ATP13A5: variants seen among roughly 807,000 people sequenced by gnomAD.
The protein encoded by ATP13A5 is ATPase 13A5.
ATP13A5 carries 149 observed loss-of-function variants against 150.2 expected under a neutral mutation model. That is an observed-to-expected ratio of 0.99 (90% confidence interval 0.87 to 1.14). The LOEUF (loss-of-function observed/expected upper bound fraction) is 1.14. ATP13A5 is among the 50% of genes most tolerant of loss of function. The pLI is 0.00. For synonymous variants in ATP13A5, 497 were observed against 522.2 expected (o/e 0.95, Z 0.66); for missense variants, 1,383 against 1,449.3 (o/e 0.95, Z 0.74).
At chr3:193,310,782 CA>C in intron 20 of ATP13A5, 65 bp from the exon 21 acceptor site, 1 of 1,312,840 alleles carries the variant, frequency 7.6e-7, no homozygotes, top group South Asian at 1.3e-5. Flanking sequence ...AATAAAAGAA[CA>C]GCCCTGAAAA....
intron 6 of ATP13A5, among the ~76,000 whole-genome samples, chr3:193,352,555 TC>T (rs1200073745): frequency 6.6e-5 from 10 of 152,102 alleles, no homozygotes; most frequent in Admixed American, 6.6e-4. Flanking sequence ...AGCACTCCTT[TC>T]AAATTAGAAC....
At chr3:193,317,002 G>A (rs755242083) in intron 17 of ATP13A5, among the ~76,000 whole-genome samples, 24 of 152,148 alleles carry the variant, frequency 1.6e-4, no homozygotes, top group Non-Finnish European at 3.1e-4. Context: ...ATAAAGCACA[G>A]GCAACAAAAG....
rs1016444958 is a variant in ATP13A5 at position 193,321,918 on chromosome 3, G to A, written c.1759-81C>T. On this transcript the variant is annotated intron_variant, in intron 15 of 29. Transcript: ENST00000342358. ...TGCATACCAACAAAAGGGCTTTACT[G>A]TGCAATGAGCCCAGAGACATCTTGA... 133 of 1,464,042 alleles carry A rather than the reference G, an allele frequency of 9.1e-5. No individual in the cohort carries two copies. In the Middle Eastern group the frequency reaches 1.5e-3, roughly 16 times the overall value. The allele number at this position is 1,464,042 out of a possible 1,614,324, so 90.7% of individuals were successfully genotyped here. A position where few individuals can be genotyped will look rare whatever the true frequency, so the allele number is the denominator to read the frequency against.
chr3:193,325,137 C>A, intron 13 of ATP13A5, 123 bp from the exon 14 acceptor site: 1 of 925,214 alleles, frequency 1.1e-6, no homozygotes, highest in Non-Finnish European at 1.6e-6. Context: ...CCATGGCTCC[C>A]TATGCTCCAA....
chr3:193,370,710 T>C (rs1179738429), intron 1 of ATP13A5, among the ~76,000 whole-genome samples: 1 of 152,186 alleles, frequency 6.6e-6, no homozygotes, highest in African/African-American at 2.4e-5. Context: ...TTGAGTGTAT[T>C]TGATGATAAA....
chr3:193,362,813 C>CCTTCTTTCTTTG (rs59105884), intron 3 of ATP13A5, among the ~76,000 whole-genome samples, 176 bp from the exon 4 acceptor site: 1 of 111,962 alleles, frequency 8.9e-6, no homozygotes, highest in Admixed American at 9.2e-5. Context: ...TTCTTTCTTT[C>CCTTCTTTCTTTG]AGACAGGGTC....
chr3:193,329,745 G>A (rs1711557596), intron 12 of ATP13A5, among the ~76,000 whole-genome samples: 1 of 152,118 alleles, frequency 6.6e-6, no homozygotes, highest in Non-Finnish European at 1.5e-5. Context: ...GACCAAGCCT[G>A]GTCGAGTCTA....
At position 193,321,812 on chromosome 3, in the gene ATP13A5, A is replaced by G. The variant is rs1368846512; in HGVS notation, c.1784T>C (p.Leu595Ser). 3.7e-6 allele frequency: 6 copies of G among 1,614,034 alleles called. No individual in the cohort carries two copies. The highest frequency in any genetic ancestry group is 5.1e-6 in the Non-Finnish European group (6 of 1,180,014). Residue 595 changes from leucine to serine, a missense_variant, in exon 16 of 30, where the codon TTG becomes TCG. Coordinates refer to ENST00000342358, the MANE Select transcript of ATP13A5 (RefSeq NM_198505.4). ...SKSPVEAIIT[L>S]CQFPFSSSLQ... Reference sequence around the variant, plus strand: ...GCTCGAGGAAAATGGAAACTGGCACAAGGTGATGATGGCTTCCACTGGACT... The same window carrying G: ...GCTCGAGGAAAATGGAAACTGGCACGAGGTGATGATGGCTTCCACTGGACT...
At chr3:193,369,619 C>CA (rs35713870) in intron 1 of ATP13A5, among the ~76,000 whole-genome samples, 143,021 of 152,096 alleles carry the variant, frequency 0.94, 67,300 homozygotes, top group East Asian at 0.97. Context: ...GAGCCAGGAA[C>CA]ATGTTTGTAC....
At chr3:193,285,232 A>G (rs1448776035) in intron 26 of ATP13A5, 116 bp from the exon 27 acceptor site, 1 of 776,878 alleles carries the variant, frequency 1.3e-6, no homozygotes. Flanking sequence ...TATGTCAGCC[A>G]GTAACTACCA....
intron 12 of ATP13A5, 69 bp downstream of exon 12, chr3:193,331,054 C>A (rs1201562475): frequency 2.3e-5 from 35 of 1,491,602 alleles, no homozygotes; most frequent in Non-Finnish European, 3.0e-5. Flanking sequence ...TAGACATTTT[C>A]TGAGGTTCTT....
At chr3:193,357,538 G>A (rs1284411352) in intron 5 of ATP13A5, among the ~76,000 whole-genome samples, 2 of 152,174 alleles carry the variant, frequency 1.3e-5, no homozygotes, top group Admixed American at 6.6e-5. Flanking sequence ...ACTAATGGCT[G>A]AGCAATGGGA....
At position 193,344,054 on chromosome 3, in the gene ATP13A5, A is replaced by T; in HGVS notation, c.816T>A (p.Gly272=). 1 of 1,611,346 alleles carries T rather than the reference A, an allele frequency of 6.2e-7. No individual in the cohort carries two copies. The highest frequency in any genetic ancestry group is 8.5e-7 in the Non-Finnish European group (1 of 1,178,888). The change falls in exon 9 of 30, where the codon GGT becomes GGA. Residue 272 remains glycine, a splice_region_variant and synonymous_variant. Transcript: ENST00000342358. ...AGAGACGGGATTCCAGCTCCTCCAA[A>T]CCTACACCAAAGCAAAGTTTCCATG... is the stretch of plus-strand genomic sequence containing the variant. ...VQVTIIVKDK[G]LEELESRLLV... is the part of the protein sequence containing the mutation.
chr3:193,362,186 C>T (rs1271003534), intron 5 of ATP13A5, among the ~76,000 whole-genome samples, 195 bp downstream of exon 5: 1 of 152,164 alleles, frequency 6.6e-6, no homozygotes, highest in Non-Finnish European at 1.5e-5. Flanking sequence ...TATATGATTG[C>T]ATTGTTCTTT....
chr3:193,339,378 A>G (rs1449131811), intron 9 of ATP13A5, among the ~76,000 whole-genome samples: 1 of 152,210 alleles, frequency 6.6e-6, no homozygotes, highest in Non-Finnish European at 1.5e-5. Context: ...ATTTAGTGCT[A>G]TAAATTTCCC....
chr3:193,364,958 A>G (rs936266481), intron 1 of ATP13A5, among the ~76,000 whole-genome samples: 2 of 152,194 alleles, frequency 1.3e-5, no homozygotes, highest in African/African-American at 2.4e-5. Flanking sequence ...CTGAATAAAG[A>G]TTTGAGATTT....
At chr3:193,323,049 T>C (rs1719340675) in intron 14 of ATP13A5, among the ~76,000 whole-genome samples, 1 of 152,216 alleles carries the variant, frequency 6.6e-6, no homozygotes, top group Non-Finnish European at 1.5e-5. Flanking sequence ...TTAGAAAGCC[T>C]GTTTGAAAAT....
intron 26 of ATP13A5, among the ~76,000 whole-genome samples, chr3:193,287,149 G>C (rs1717755359): frequency 6.6e-6 from 1 of 152,120 alleles, no homozygotes; most frequent in Admixed American, 6.6e-5. Context: ...CTAAGACTGA[G>C]AGAAAGAAGG....
intron 25 of ATP13A5, among the ~76,000 whole-genome samples, chr3:193,293,923 G>A (rs1718064976): frequency 6.6e-6 from 1 of 152,062 alleles, no homozygotes; most frequent in African/African-American, 2.4e-5. Context: ...TCTCCTAGGG[G>A]CTGGAATGGC....
Sources: gnomAD v4.1 joint callset for allele counts (sites outside exome capture counted in the v4.1 genomes callset) on GRCh38, gnomAD v4.1.1 for gene constraint, MANE v1.5 for transcripts, NCBI Gene and HGNC (gene_info 2026-07-23, HGNC 2026-07-21) for gene names.